SPP2: variants seen among roughly 807,000 people sequenced by gnomAD.
SPP2 encodes the protein secreted phosphoprotein 24.
SPP2 carries 34 observed loss-of-function variants against 28.8 expected under a neutral mutation model. That is an observed-to-expected ratio of 1.18 (90% CI 0.90 to 1.57). SPP2 has a LOEUF of 1.57. SPP2 is among the 40% of genes most tolerant of loss of function. The pLI is 0.00. For missense variants in SPP2, 269 were observed against 263.9 expected (o/e 1.02, Z -0.13); for synonymous variants, 96 against 89.4 (o/e 1.07, Z -0.42).
At chr2:234,066,082 G>T (rs1299216637) in intron 4 of SPP2, among the ~76,000 whole-genome samples, 1 of 152,180 alleles carries the variant, frequency 6.6e-6, no homozygotes, top group African/African-American at 2.4e-5. Context: ...GAAAGACTGC[G>T]AGCCAAGCAA....
In SPP2 at chr2:234,050,791, T is replaced by C. The variant is rs754698489; in HGVS notation, c.5T>C (p.Ile2Thr). The change falls in exon 1 of 8, where the codon ATT (isoleucine) becomes ACT (threonine). Residue 2 changes from isoleucine (I) to threonine (T), a missense_variant. Coordinates refer to ENST00000168148, the MANE Select transcript of SPP2 (RefSeq NM_006944.3). ...CTCTGTCTCTCGATTACAATCATGA[T>C]TTCCAGAATGGAGAAGATGACGATG... M[I>T]SRMEKMTMMM... 1 of 1,613,892 alleles carries C rather than the reference T, an allele frequency of 6.2e-7. No homozygotes were observed. Among genetic ancestry groups the C allele is most frequent in the Non-Finnish European group, 8.5e-7 (1 of 1,179,788 alleles).
intron 7 of SPP2, among the ~76,000 whole-genome samples, chr2:234,076,199 C>A (rs181776506): frequency 1.1e-4 from 16 of 152,172 alleles, no homozygotes; most frequent in Admixed American, 3.9e-4. Flanking sequence ...CAGTGTGCGC[C>A]CACTGTCCCC....
intron 6 of SPP2, among the ~76,000 whole-genome samples, chr2:234,067,596 T>C (rs1054340121): frequency 4.0e-5 from 6 of 151,720 alleles, no homozygotes; most frequent in African/African-American, 1.5e-4. Flanking sequence ...GCTAACATGG[T>C]GAAACCCCGT....
chr2:234,053,565 A>G (rs921941271), intron 2 of SPP2, among the ~76,000 whole-genome samples: 2 of 151,332 alleles, frequency 1.3e-5, no homozygotes, highest in Non-Finnish European at 2.9e-5. Context: ...ATATTCTTAA[A>G]TGTTCTCCTG....
In SPP2 at chr2:234,051,072, G is replaced by A. The variant is rs2125447672; in HGVS notation, c.187G>A (p.Ala63Thr). The A allele has an allele frequency of 6.2e-7, 1 of 1,613,786 alleles. No homozygotes were observed. Among genetic ancestry groups the A allele is most frequent in the Non-Finnish European group, 8.5e-7 (1 of 1,179,808 alleles). Residue 63 changes from alanine to threonine, a missense_variant, in exon 2 of 8, where the codon GCA (alanine) becomes ACA (threonine). Physicochemically the swap from Ala to Thr is moderately conservative, Grantham distance 58 (BLOSUM62 0). Coordinates refer to ENST00000168148, the MANE Select transcript of SPP2 (RefSeq NM_006944.3). The part of the protein sequence containing the change: ...SQSLSPYLFR[A>T]FRSSLKRVEV... ...GTCACTGAGTCCGTATCTGTTTCGG[G>A]CATTCAGAAGCTCATTAAAAAGAGT...
At chr2:234,066,649 TGTTA>T (rs1693828362) in intron 5 of SPP2, 62 bp downstream of exon 5, 2 of 1,203,506 alleles carry the variant, frequency 1.7e-6, no homozygotes, top group Non-Finnish European at 1.2e-6. Context: ...TGCAACTCTT[TGTTA>T]GTGAGTCATT....
chr2:234,058,690 C>T (rs554768643), intron 2 of SPP2, 146 bp from the exon 3 acceptor site: 74 of 899,304 alleles, frequency 8.2e-5, no homozygotes, highest in African/African-American at 2.4e-4. Context: ...AAGAAAGGCA[C>T]GGAACTAGGT....
At chr2:234,074,148 C>A (rs1051363906) in intron 7 of SPP2, among the ~76,000 whole-genome samples, 1 of 152,234 alleles carries the variant, frequency 6.6e-6, no homozygotes, top group South Asian at 2.1e-4. Flanking sequence ...GTTTCCAAAG[C>A]CTCTTCCCTT....
Position 234,060,416 on chromosome 2 carries a change from G to A in SPP2, c.381G>A (p.Val127=). The A allele has an allele frequency of 2.5e-6, 4 of 1,613,814 alleles. No homozygotes were observed. The highest frequency in any genetic ancestry group is 1.1e-5 in the South Asian group (1 of 91,012). ...CCGTGAAGGTATCTGCCCAGCAGGT[G>A]CAGGGCGTGCATGCTCGCTGCAGCT... is the stretch of plus-strand genomic sequence containing the variant. The part of the protein sequence containing the change: ...RSTVKVSAQQ[V]QGVHARCSWS... The change falls in exon 4 of 8, where the codon GTG becomes GTA. Residue 127 remains valine (V), a synonymous_variant. Transcript: ENST00000168148.
intron 6 of SPP2, 74 bp downstream of exon 6, chr2:234,067,348 A>G (rs1160324395): frequency 7.3e-6 from 10 of 1,361,314 alleles, no homozygotes; most frequent in Non-Finnish European, 1.0e-5. Context: ...ATCCTATTTC[A>G]TAGCTGTTTC....
intron 2 of SPP2, among the ~76,000 whole-genome samples, chr2:234,053,349 TG>T (rs1050750878): frequency 1.3e-5 from 2 of 152,142 alleles, no homozygotes; most frequent in African/African-American, 4.8e-5. Context: ...AGCAAATAAG[TG>T]GTTTAGTCAT....
chr2:234,072,769 C>T (rs1034235287), intron 7 of SPP2, among the ~76,000 whole-genome samples: 2 of 152,278 alleles, frequency 1.3e-5, no homozygotes, highest in East Asian at 3.9e-4. Context: ...AATCCACGGG[C>T]CTGGTTCTGA....
chr2:234,059,094 C>A (rs1559173135), intron 3 of SPP2, 136 bp downstream of exon 3: 13 of 1,057,588 alleles, frequency 1.2e-5, no homozygotes, highest in East Asian at 5.4e-5. Context: ...GACATTGTGT[C>A]CCCTGGTGGG....
Position 234,069,965 on chromosome 2 carries a change from G to T in SPP2, c.588G>T (p.Arg196Ser), listed in dbSNP as rs774770808. The T allele has an allele frequency of 1.9e-6, 3 of 1,613,370 alleles. No individual in the cohort carries two copies. Among genetic ancestry groups the T allele is most frequent in the South Asian group, 2.2e-5 (2 of 91,058 alleles). Residue 196 changes from arginine (R) to serine (S), a missense_variant, in exon 7 of 8, where the codon AGG (arginine) becomes AGT (serine). Coordinates refer to ENST00000168148, the MANE Select transcript of SPP2 (RefSeq NM_006944.3). ...MRRVLPPGNR[R>S]YPNHRHRARI... ...GGGTATTGCCTCCTGGAAACAGAAG[G>T]TACCCAAACCACCGGCACAGAGCAA...
rs769692129 is a variant in SPP2, at chr2:234,069,964, GGTACCCAA to G, written c.588_595del (p.Tyr197ProfsTer10). 1 of 1,613,310 alleles carries G rather than the reference GGTACCCAA, an allele frequency of 6.2e-7. No homozygotes were observed. The highest frequency in any genetic ancestry group is 1.3e-5 in the African/African-American group (1 of 74,876). ...AGGGTATTGCCTCCTGGAAACAGAA[GGTACCCAA>G]ACCACCGGCACAGAGCAAGAATAAA... On this transcript the variant is annotated frameshift_variant, in exon 7 of 8. Coordinates refer to ENST00000168148, the MANE Select transcript of SPP2 (RefSeq NM_006944.3). LOFTEE classifies it high-confidence loss of function.
chr2:234,052,048 C>A (rs1366569327), intron 2 of SPP2, among the ~76,000 whole-genome samples: 1 of 152,212 alleles, frequency 6.6e-6, no homozygotes, highest in Non-Finnish European at 1.5e-5. Flanking sequence ...AACCTGGCTC[C>A]TAGTTTCTCT....
At chr2:234,071,080 G>A (rs1312469789) in intron 7 of SPP2, among the ~76,000 whole-genome samples, 1 of 152,060 alleles carries the variant, frequency 6.6e-6, no homozygotes, top group Non-Finnish European at 1.5e-5. Flanking sequence ...GGGCATCACT[G>A]ACTCCCCTTC....
chr2:234,067,573 C>A (rs1024527586), intron 6 of SPP2, among the ~76,000 whole-genome samples: 1 of 151,852 alleles, frequency 6.6e-6, no homozygotes, highest in Non-Finnish European at 1.5e-5. Context: ...GTCAGGAGAT[C>A]GAGACCATCC....
rs1693475990 is a variant in SPP2, at chr2:234,050,846, T to C, written c.60T>C (p.Leu20=). The C allele has an allele frequency of 2.5e-6, 4 of 1,614,116 alleles. No individual in the cohort carries two copies. Among genetic ancestry groups the C allele is most frequent in the Non-Finnish European group, 3.4e-6 (4 of 1,179,956 alleles). ...MMMKILIMFA[L]GMNYWSCSGF... is the part of the protein sequence containing the mutation. ...TGAAGATATTGATTATGTTTGCTCT[T>C]GGAATGAACTACTGGTCTTGCTCAG... The change falls in exon 1 of 8, where the codon CTT becomes CTC. Residue 20 remains leucine (L), a synonymous_variant. Transcript: ENST00000168148.
Sources: allele counts gnomAD v4.1 joint callset (sites outside exome capture counted in the v4.1 genomes callset), GRCh38; gene constraint gnomAD v4.1.1; transcripts MANE v1.5; gene names NCBI Gene and HGNC (gene_info 2026-07-23, HGNC 2026-07-21).